OXR1: variants seen among roughly 807,000 people sequenced by gnomAD.
OXR1 encodes the protein oxidation resistance 1, also known as oxidation resistance protein 1.
Under a neutral mutation model 104.6 loss-of-function variants are expected in OXR1, and 41 were observed. The observed-to-expected ratio is 0.39, with a 90% CI of 0.31 to 0.51. The LOEUF (loss-of-function observed/expected upper bound fraction) is 0.51. OXR1 is among the 20% of genes least tolerant of loss of function. OXR1 has a pLI of 0.77. For missense variants in OXR1, 955 were observed against 1,031.9 expected, an observed-to-expected ratio of 0.93 and a Z score of 1.02; for synonymous variants, 348 against 348.4, an observed-to-expected ratio of 1.00 and a Z score of 0.01.
At chr8:106,414,240 T>C (rs1416245745) in intron 2 of OXR1, among the ~76,000 whole-genome samples, 1 of 152,136 alleles carries the variant, frequency 6.6e-6, no homozygotes, top group Non-Finnish European at 1.5e-5. Flanking sequence ...GCCAATGATT[T>C]ATCAGTGACG....
chr8:106,504,180 A>G (rs896670217), intron 2 of OXR1, among the ~76,000 whole-genome samples: 39 of 152,352 alleles, frequency 2.6e-4, no homozygotes, highest in African/African-American at 7.5e-4. Context: ...AGCTTTGTAC[A>G]CATGAAGGAA....
intron 1 of OXR1, among the ~76,000 whole-genome samples, chr8:106,321,783 A>G (rs1241466072): frequency 6.6e-6 from 1 of 152,222 alleles, no homozygotes; most frequent in Non-Finnish European, 1.5e-5. Flanking sequence ...TTGTAAAACA[A>G]TCTTAAACAA....
intron 3 of OXR1, among the ~76,000 whole-genome samples, chr8:106,642,055 C>T (rs1173571072): frequency 6.6e-6 from 1 of 152,032 alleles, no homozygotes; most frequent in Non-Finnish European, 1.5e-5. Context: ...TACAGGTGTG[C>T]ACAACCACAC....
intron 2 of OXR1, among the ~76,000 whole-genome samples, chr8:106,468,815 T>C (rs1821327908): frequency 6.6e-6 from 1 of 151,852 alleles, no homozygotes; most frequent in Non-Finnish European, 1.5e-5. Context: ...AAGTACATTT[T>C]AGGGATTACT....
intron 3 of OXR1, among the ~76,000 whole-genome samples, chr8:106,546,729 G>T (rs890402375): frequency 5.9e-5 from 9 of 151,552 alleles, no homozygotes; most frequent in Admixed American, 1.3e-4. Flanking sequence ...TACCTGTGCA[G>T]ACAGTTAACT....
intron 6 of OXR1, 66 bp downstream of exon 6, chr8:106,684,425 GTT>G: frequency 1.3e-6 from 1 of 777,874 alleles, no homozygotes; most frequent in East Asian, 2.5e-5. Context: ...TGACTGTCTT[GTT>G]TTTTACATTC....
chr8:106,399,665 A>G (rs2130470248), intron 2 of OXR1, among the ~76,000 whole-genome samples: 1 of 152,310 alleles, frequency 6.6e-6, no homozygotes, highest in African/African-American at 2.4e-5. Context: ...ATTCTAGGAA[A>G]TGTAATTCCC....
At chr8:106,365,175 A>AT (rs933801097) in intron 2 of OXR1, among the ~76,000 whole-genome samples, 2 of 151,660 alleles carry the variant, frequency 1.3e-5, no homozygotes, top group Admixed American at 6.6e-5. Context: ...GATATTTCTA[A>AT]TTTTTTTTTA....
chr8:106,456,214 A>C (rs1374906334), intron 2 of OXR1, among the ~76,000 whole-genome samples: 1 of 152,200 alleles, frequency 6.6e-6, no homozygotes, highest in African/African-American at 2.4e-5. Context: ...GAGGATGAAG[A>C]TATAGCTGGG....
chr8:106,362,842 A>G (rs774510448), intron 2 of OXR1, among the ~76,000 whole-genome samples: 46 of 152,346 alleles, frequency 3.0e-4, no homozygotes, highest in African/African-American at 1.1e-3. Flanking sequence ...TATGTACAGT[A>G]ACACTAAAAT....
intron 2 of OXR1, among the ~76,000 whole-genome samples, chr8:106,503,704 G>A (rs962655565): frequency 1.3e-5 from 2 of 152,194 alleles, no homozygotes; most frequent in African/African-American, 4.8e-5. Context: ...CATCCGGTGA[G>A]TATGCTGAAA....
At chr8:106,328,836 A>G (rs1814588439) in intron 1 of OXR1, among the ~76,000 whole-genome samples, 1 of 152,352 alleles carries the variant, frequency 6.6e-6, no homozygotes, top group East Asian at 1.9e-4. Context: ...TTAGCAACTG[A>G]AATAACCTAG....
chr8:106,530,015 C>T (rs550679874), intron 3 of OXR1, among the ~76,000 whole-genome samples: 5 of 152,108 alleles, frequency 3.3e-5, no homozygotes, highest in East Asian at 1.9e-4. Context: ...CCTGCTAACA[C>T]GTCTATGAAC....
chr8:106,588,893 C>T (rs1309308257), intron 3 of OXR1, among the ~76,000 whole-genome samples: 1 of 152,212 alleles, frequency 6.6e-6, no homozygotes, highest in Non-Finnish European at 1.5e-5. Context: ...CTTAATCTTT[C>T]ACTGTCTGAT....
chr8:106,518,457 A>C (rs1813011247), intron 2 of OXR1, among the ~76,000 whole-genome samples: 1 of 152,240 alleles, frequency 6.6e-6, no homozygotes, highest in African/African-American at 2.4e-5. Flanking sequence ...GTTACTGAGA[A>C]TGCATAGTAA....
intron 3 of OXR1, among the ~76,000 whole-genome samples, chr8:106,670,705 T>TA (rs1328065730): frequency 6.6e-6 from 1 of 152,080 alleles, no homozygotes; most frequent in East Asian, 1.9e-4. Context: ...AAGGGAATGT[T>TA]CAGAGTAAAC....
intron 8 of OXR1, among the ~76,000 whole-genome samples, chr8:106,703,685 TAC>T (rs1286551606): frequency 6.6e-6 from 1 of 151,628 alleles, no homozygotes; most frequent in African/African-American, 2.4e-5. Context: ...GCTGTGAGAC[TAC>T]AGTTTGGACA....
chr8:106,662,826 A>G (rs1032646941), intron 3 of OXR1, among the ~76,000 whole-genome samples: 1 of 150,652 alleles, frequency 6.6e-6, no homozygotes, highest in Non-Finnish European at 1.5e-5. Flanking sequence ...GGTAATGTCT[A>G]TTTCAGTAAA....
chr8:106,688,045 T>A (rs1463533733), intron 6 of OXR1, among the ~76,000 whole-genome samples: 1 of 152,192 alleles, frequency 6.6e-6, no homozygotes, highest in African/African-American at 2.4e-5. Context: ...ATCATCTTCC[T>A]AAGATTCTTT....
Sources: gnomAD v4.1 joint callset for allele counts (sites outside exome capture counted in the v4.1 genomes callset) on GRCh38, gnomAD v4.1.1 for gene constraint, MANE v1.5 for transcripts, NCBI Gene and HGNC (gene_info 2026-07-23, HGNC 2026-07-21) for gene names.